Variants in BMP5 observed in about 807,000 individuals in gnomAD.
BMP5 encodes the protein bone morphogenetic protein 5.
Under a neutral mutation model 46.6 loss-of-function variants are expected in BMP5, and 23 were observed. That is an observed-to-expected ratio of 0.49 (90% CI 0.35 to 0.70). The LOEUF (loss-of-function observed/expected upper bound fraction) is 0.70, where lower values mean the gene tolerates loss of function less well. Among genes scored for constraint, BMP5 ranks in the 30% least tolerant of loss-of-function variants. BMP5 has a pLI of 0.00. For synonymous variants in BMP5, 204 were observed against 191.9 expected, an observed-to-expected ratio of 1.06 and a Z score of -0.52; for missense variants, 545 against 565.6, an observed-to-expected ratio of 0.96 and a Z score of 0.37.
At chr6:55,870,595 CT>C (rs1777762706) in intron 1 of BMP5, among the ~76,000 whole-genome samples, 1 of 152,020 alleles carries the variant, frequency 6.6e-6, no homozygotes, top group Admixed American at 6.6e-5. Flanking sequence ...GTTGGAGAGA[CT>C]ACATAGATAG....
intron 1 of BMP5, among the ~76,000 whole-genome samples, chr6:55,834,555 C>T (rs1358490161): frequency 6.6e-6 from 1 of 152,012 alleles, no homozygotes; most frequent in African/African-American, 2.4e-5. Flanking sequence ...GGCCAATATA[C>T]ATTCATTTAG....
chr6:55,797,402 T>C (rs543894862), intron 2 of BMP5, among the ~76,000 whole-genome samples: 2 of 152,248 alleles, frequency 1.3e-5, no homozygotes, highest in African/African-American at 4.8e-5. Context: ...ACATTTTAAA[T>C]AGTAATGCAT....
chr6:55,779,392 T>A (rs228149), intron 3 of BMP5, among the ~76,000 whole-genome samples: 62,094 of 151,872 alleles, frequency 0.41, 13,348 homozygotes, highest in East Asian at 0.59. Context: ...TATGGACTCC[T>A]TAGCAGTAGT....
At chr6:55,756,165 G>T (rs1275302967) in intron 6 of BMP5, among the ~76,000 whole-genome samples, 2 of 151,814 alleles carry the variant, frequency 1.3e-5, no homozygotes, top group African/African-American at 4.8e-5. Context: ...AATTTTCCAT[G>T]GTAAAAGAAG....
chr6:55,821,168 G>A (rs1388379674), intron 1 of BMP5, among the ~76,000 whole-genome samples: 1 of 152,134 alleles, frequency 6.6e-6, no homozygotes, highest in Non-Finnish European at 1.5e-5. Context: ...AAGGCTGCTA[G>A]AACATCATGT....
intron 3 of BMP5, among the ~76,000 whole-genome samples, chr6:55,792,530 C>T (rs1034651976): frequency 2.2e-4 from 30 of 133,784 alleles, no homozygotes; most frequent in African/African-American, 4.8e-4. Context: ...AGCAAGACTC[C>T]GTCTCAAAAA....
intron 4 of BMP5, among the ~76,000 whole-genome samples, chr6:55,762,990 C>T (rs1774823686): frequency 2.0e-5 from 3 of 152,062 alleles, no homozygotes; most frequent in African/African-American, 2.4e-5. Flanking sequence ...TTCCCACATG[C>T]TGCAAAATAT....
intron 1 of BMP5, among the ~76,000 whole-genome samples, chr6:55,846,177 G>A (rs968272089): frequency 6.6e-6 from 1 of 151,926 alleles, no homozygotes; most frequent in Non-Finnish European, 1.5e-5. Flanking sequence ...TTACAAGAAT[G>A]TACATGAAAA....
rs553625415 is a variant in BMP5 at position 55,824,582 on chromosome 6, T to A, written c.491-4735A>T. Among the ~76,000 whole-genome samples, 4 of 151,954 alleles carry A rather than the reference T, an allele frequency of 2.6e-5. No homozygotes were observed. In the East Asian group the frequency reaches 7.7e-4, roughly 29 times the overall value. On this transcript the variant is annotated intron_variant, in intron 1 of 6. Transcript: ENST00000370830. Reference sequence around the variant, plus strand: ...CTCATTTAAGCCAGACCCAGACTTGTTAAAGGGGATAGAAGGACACAGAGT... The same window carrying A: ...CTCATTTAAGCCAGACCCAGACTTGATAAAGGGGATAGAAGGACACAGAGT...
At chr6:55,871,763 A>G (rs1252457525) in intron 1 of BMP5, among the ~76,000 whole-genome samples, 5 of 151,792 alleles carry the variant, frequency 3.3e-5, no homozygotes, top group Admixed American at 3.3e-4. Flanking sequence ...ATTTTTTAAA[A>G]GGATGCTACT....
intron 2 of BMP5, among the ~76,000 whole-genome samples, chr6:55,801,026 T>G (rs978263940): frequency 6.6e-6 from 1 of 152,218 alleles, no homozygotes; most frequent in African/African-American, 2.4e-5. Context: ...GAAGTGACTT[T>G]GGCTGTCATT....
At chr6:55,792,116 A>C (rs1228714155) in intron 3 of BMP5, among the ~76,000 whole-genome samples, 1 of 152,240 alleles carries the variant, frequency 6.6e-6, no homozygotes, top group Non-Finnish European at 1.5e-5. Context: ...AGAATATTTG[A>C]ATTGTTTATG....
At chr6:55,809,230 T>C (rs1776063626) in intron 2 of BMP5, among the ~76,000 whole-genome samples, 1 of 152,226 alleles carries the variant, frequency 6.6e-6, no homozygotes. Context: ...CAAATTACTA[T>C]AATTGCTACT....
intron 3 of BMP5, among the ~76,000 whole-genome samples, chr6:55,791,790 A>G (rs1000109328): frequency 6.6e-6 from 1 of 152,168 alleles, no homozygotes; most frequent in Admixed American, 6.5e-5. Context: ...GGCTGATCAT[A>G]TTTCATAGAT....
chr6:55,780,456 T>TAAA (rs369703099), intron 3 of BMP5, among the ~76,000 whole-genome samples: 1,175 of 61,750 alleles, frequency 0.019, 19 homozygotes, highest in Middle Eastern at 0.062. Context: ...CCATCACTAC[T>TAAA]AAAAAAAAAA....
intron 3 of BMP5, among the ~76,000 whole-genome samples, chr6:55,790,264 A>G (rs1775544982): frequency 6.6e-6 from 1 of 152,202 alleles, no homozygotes; most frequent in East Asian, 1.9e-4. Flanking sequence ...TTCAGTGGCA[A>G]GTGAACTACA....
Position 55,794,405 on chromosome 6 carries a change from C to T in BMP5, c.706G>A (p.Asp236Asn), listed in dbSNP as rs1319304453. 2 of 1,613,856 alleles carry T rather than the reference C, an allele frequency of 1.2e-6. No homozygotes were observed. The highest frequency in any genetic ancestry group is 1.1e-5 in the South Asian group (1 of 91,074). Residue 236 changes from aspartate to asparagine, a missense_variant, in exon 3 of 7, where the codon GAC becomes AAC. Asp to Asn is a conservative substitution (Grantham distance 23). Transcript: ENST00000370830. Reference protein sequence around the residue: ...TNRDADLFLLDTRKAQALDVG... With the variant: ...TNRDADLFLLNTRKAQALDVG... ...TCTAAAGCTTGGGCCTTTCTTGTGT[C>T]TAACAAGAACAGATCTGCATCCCTA...
In BMP5 at chr6:55,868,442, T is replaced by C. The variant is rs76429153; in HGVS notation, c.490+5934A>G. 6.2e-3 allele frequency among the ~76,000 whole-genome samples: 942 copies of C among 152,310 alleles called. 14 individuals carry two copies. Among genetic ancestry groups the C allele is most frequent in the African/African-American group, 0.022 (914 of 41,580 alleles). Reference sequence around the variant, plus strand: ...GTTTTAGTTTCTAAGAGTTATGTAATATGTATTTAATTCACTGCCTTCCAA... The same window carrying C: ...GTTTTAGTTTCTAAGAGTTATGTAACATGTATTTAATTCACTGCCTTCCAA... On this transcript the variant is annotated intron_variant, in intron 1 of 6. Transcript: ENST00000370830.
chr6:55,813,758 G>A (rs1776191263), intron 2 of BMP5, among the ~76,000 whole-genome samples: 1 of 147,164 alleles, frequency 6.8e-6, no homozygotes, highest in African/African-American at 2.6e-5. Context: ...CTGCACTCCA[G>A]CCTGGATGAA....
Sources: allele counts gnomAD v4.1 joint callset (sites outside exome capture counted in the v4.1 genomes callset), GRCh38; gene constraint gnomAD v4.1.1; transcripts MANE v1.5; gene names NCBI Gene and HGNC (gene_info 2026-07-23, HGNC 2026-07-21).